Variants in FAM24B observed in about 807,000 individuals in gnomAD.
The protein encoded by FAM24B is protein FAM24B.
Under a neutral mutation model 2.3 loss-of-function variants are expected in FAM24B, and 3 were observed. That is an observed-to-expected ratio of 1.29 (90% CI 0.59 to 3.32). The LOEUF is 3.32. Ranked by LOEUF, FAM24B falls within the 30% of genes most tolerant of loss-of-function variation. The probability of loss-of-function intolerance (pLI) is 0.03; values close to 1 mark genes in which losing one functional copy is unlikely to be tolerated. For missense variants in FAM24B, 98 were observed against 117.2 expected (o/e 0.84, Z 0.76); for synonymous variants, 36 against 46.3 (o/e 0.78, Z 0.90).
Position 122,849,216 on chromosome 10 carries a change from C to A in FAM24B, c.*31G>T. The A allele has an allele frequency of 6.7e-7, 1 of 1,486,926 alleles. No individual in the cohort carries two copies. Among genetic ancestry groups the A allele is most frequent in the Non-Finnish European group, 9.0e-7 (1 of 1,106,264 alleles). 92.1% of individuals were successfully genotyped at this position (1,486,926 alleles called of 1,614,324 possible). On this transcript the variant is annotated 3_prime_UTR_variant, in exon 4 of 4. Coordinates refer to ENST00000368898, the MANE Select transcript of FAM24B (RefSeq NM_152644.3). ...AAACAATCTACTAAGAAGTATTGCT[C>A]ATGAAGATTTTTGTGCCCACCTTTC... is the stretch of plus-strand genomic sequence containing the variant.
At chr10:122,856,501 G>C (rs1189163402) in intron 1 of FAM24B, among the ~76,000 whole-genome samples, 5 of 152,146 alleles carry the variant, frequency 3.3e-5, no homozygotes, top group African/African-American at 1.2e-4. Context: ...GCCTTCAAGG[G>C]GCAGCCTGGG....
At chr10:122,855,236 T>C (rs748334203) in intron 2 of FAM24B, 13 of 152,258 alleles carry the variant, frequency 8.5e-5, no homozygotes, top group African/African-American at 1.2e-4. Context: ...TTTCTGTGTC[T>C]TTGTAAAATC....
Position 122,850,295 on chromosome 10 carries a change from G to T in FAM24B, c.92+129C>A, listed in dbSNP as rs1383616966. ...CCTGTTCTTCTTGACTTCACCCAGG[G>T]TATGGCCACAGCAGCAAGGAATGAC... On this transcript the variant is annotated intron_variant, in intron 3 of 3. Coordinates refer to ENST00000368898, the MANE Select transcript of FAM24B (RefSeq NM_152644.3). The T allele has an allele frequency of 1.5e-5, 11 of 738,612 alleles. No homozygotes were observed. In the African/African-American group the frequency reaches 1.5e-4, roughly 10 times the overall value. The allele number at this position is 738,612 out of a possible 1,614,324, so 45.8% of individuals were successfully genotyped here.
chr10:122,850,780 G>A (rs1847520897), intron 2 of FAM24B: 1 of 412,632 alleles, frequency 2.4e-6, no homozygotes, highest in African/African-American at 2.0e-5. Context: ...GAAATGCAAA[G>A]TCCAGAGAGA....
Position 122,865,559 on chromosome 10 carries a change from G to A in FAM24B, c.-177-9773C>T, listed in dbSNP as rs561280352. On this transcript the variant is annotated intron_variant, in intron 1 of 3. Coordinates refer to ENST00000368898, the MANE Select transcript of FAM24B (RefSeq NM_152644.3). ...ATTTTTGCATCTGTGTTCATGAGAG[G>A]TATTGGTCTGTATGTTTCCATTCTC... Among the ~76,000 whole-genome samples the A allele has an allele frequency of 2.0e-5, 3 of 152,164 alleles. No individual in the cohort carries two copies. In the East Asian group the frequency reaches 5.8e-4, roughly 29 times the overall value.
chr10:122,871,678 A>C (rs565222349), intron 1 of FAM24B, among the ~76,000 whole-genome samples: 10 of 152,140 alleles, frequency 6.6e-5, no homozygotes, highest in African/African-American at 9.7e-5. Flanking sequence ...CAAAAAGAAG[A>C]AATGGGGAAA....
intron 1 of FAM24B, among the ~76,000 whole-genome samples, chr10:122,879,100 C>G (rs1396835607): frequency 1.3e-5 from 2 of 152,180 alleles, no homozygotes; most frequent in Non-Finnish European, 2.9e-5. Flanking sequence ...CTCCCTCAGG[C>G]GACCGCTCCA....
intron 2 of FAM24B, 163 bp from the exon 3 acceptor site, chr10:122,850,713 G>C (rs1847519512): frequency 2.0e-6 from 1 of 511,798 alleles, no homozygotes; most frequent in East Asian, 3.0e-5. Flanking sequence ...ATCCCAAGCT[G>C]GCCCAGAGAT....
At chr10:122,872,932 A>G (rs1158307693) in intron 1 of FAM24B, among the ~76,000 whole-genome samples, 1 of 152,224 alleles carries the variant, frequency 6.6e-6, no homozygotes, top group East Asian at 1.9e-4. Context: ...AACTTAAAGT[A>G]TAACAATACA....
At chr10:122,871,653 C>A (rs1003069777) in intron 1 of FAM24B, among the ~76,000 whole-genome samples, 2 of 152,160 alleles carry the variant, frequency 1.3e-5, no homozygotes, top group South Asian at 2.1e-4. Flanking sequence ...ACTATCTGAT[C>A]TTTGACAAAC....
At chr10:122,877,845 T>TA (rs1231957453) in intron 1 of FAM24B, among the ~76,000 whole-genome samples, 17 of 152,246 alleles carry the variant, frequency 1.1e-4, no homozygotes, top group African/African-American at 4.1e-4. Context: ...CACCTCTTTC[T>TA]ACTCCTGTTA....
chr10:122,863,868 A>G (rs1023171549), intron 1 of FAM24B, among the ~76,000 whole-genome samples: 10 of 152,190 alleles, frequency 6.6e-5, no homozygotes, highest in African/African-American at 2.4e-4. Context: ...GGAGAGAGAT[A>G]ATGTCCTTTT....
chr10:122,870,650 G>A (rs1847881069), intron 1 of FAM24B, among the ~76,000 whole-genome samples: 1 of 152,102 alleles, frequency 6.6e-6, no homozygotes, highest in African/African-American at 2.4e-5. Flanking sequence ...ATCAATAAAC[G>A]TAATCCAGCA....
chr10:122,861,052 C>A (rs1016042655), intron 1 of FAM24B, among the ~76,000 whole-genome samples: 1 of 152,038 alleles, frequency 6.6e-6, no homozygotes, highest in East Asian at 1.9e-4. Context: ...CCAATTTATC[C>A]TTTTATTCAT....
chr10:122,873,986 G>A (rs1374344342), intron 1 of FAM24B, among the ~76,000 whole-genome samples: 1 of 152,118 alleles, frequency 6.6e-6, no homozygotes, highest in Admixed American at 6.6e-5. Context: ...AACATACTTT[G>A]TATAATTTCT....
intron 2 of FAM24B, 27 bp from the exon 3 acceptor site, chr10:122,850,577 T>G: frequency 8.4e-7 from 1 of 1,191,344 alleles, no homozygotes; most frequent in Non-Finnish European, 1.3e-6. Flanking sequence ...AAGCAAGCAC[T>G]GAGCCCACGT....
At chr10:122,878,058 G>A (rs1265311066) in intron 1 of FAM24B, among the ~76,000 whole-genome samples, 1 of 152,206 alleles carries the variant, frequency 6.6e-6, no homozygotes, top group African/African-American at 2.4e-5. Context: ...AAGTGTAGCA[G>A]AGAGAAATTA....
intron 1 of FAM24B, among the ~76,000 whole-genome samples, chr10:122,866,429 A>C (rs1165951095): frequency 6.6e-6 from 1 of 151,534 alleles, no homozygotes; most frequent in Non-Finnish European, 1.5e-5. Flanking sequence ...ATACAGGCAT[A>C]CCTTGTTTTA....
intron 1 of FAM24B, among the ~76,000 whole-genome samples, chr10:122,878,875 G>C (rs1269597499): frequency 6.6e-6 from 1 of 151,524 alleles, no homozygotes; most frequent in Admixed American, 6.6e-5. Context: ...TTATAGTATT[G>C]ATCTTGCTCA....
Sources: allele counts gnomAD v4.1 joint callset (sites outside exome capture counted in the v4.1 genomes callset), GRCh38; gene constraint gnomAD v4.1.1; transcripts MANE v1.5; gene names NCBI Gene and HGNC (gene_info 2026-07-23, HGNC 2026-07-21).